DYNC2H1: variants seen among roughly 807,000 people sequenced by gnomAD.
DYNC2H1 encodes the protein dynein cytoplasmic 2 heavy chain 1.
Under a neutral mutation model 570.0 loss-of-function variants are expected in DYNC2H1, and 410 were observed. The observed-to-expected ratio is 0.72, with a 90% CI of 0.66 to 0.78. The LOEUF (loss-of-function observed/expected upper bound fraction) is 0.78. Ranked by LOEUF, DYNC2H1 falls within the 30% of genes least tolerant of loss-of-function variation. The pLI, the probability that DYNC2H1 is intolerant of heterozygous loss-of-function variation, is 0.00. For synonymous variants in DYNC2H1, 1,688 were observed against 1,677.6 expected (o/e 1.01, Z -0.15); for missense variants, 4,865 against 5,046.4 (o/e 0.96, Z 1.09).
At chr11:103,234,291 T>G in intron 61 of DYNC2H1, 131 bp downstream of exon 61, 2 of 1,077,082 alleles carry the variant, frequency 1.9e-6, no homozygotes, top group Non-Finnish European at 2.6e-6. Context: ...AATCTGGATA[T>G]AAATGGCCAT....
chr11:103,339,429 A>T (rs1187012834), intron 82 of DYNC2H1, among the ~76,000 whole-genome samples: 2 of 152,168 alleles, frequency 1.3e-5, no homozygotes, highest in African/African-American at 4.8e-5. Flanking sequence ...AGGGTTGTAG[A>T]TTCCCTTCTG....
At position 103,163,786 on chromosome 11, in the gene DYNC2H1, CTG is replaced by C. The variant is rs1314542422; in HGVS notation, c.4611+642_4611+643del. 6.6e-6 allele frequency among the ~76,000 whole-genome samples: 1 copy of C among 152,016 alleles called. No homozygotes were observed. The highest frequency in any genetic ancestry group is 1.5e-5 in the Non-Finnish European group (1 of 67,994). On this transcript the variant is annotated intron_variant, in intron 30 of 88. Coordinates refer to ENST00000375735, the MANE Select transcript of DYNC2H1 (RefSeq NM_001377.3). The surrounding 1 kb of genome is among the most constrained non-coding windows in gnomAD (Gnocchi z 4.6). ...CATCAGGAACTTTAGTTCTTAGGGA[CTG>C]TGGATGGTAGACATTGGGATGTTTC...
chr11:103,445,501 A>T (rs1307059238), intron 85 of DYNC2H1, among the ~76,000 whole-genome samples: 1 of 152,204 alleles, frequency 6.6e-6, no homozygotes, highest in African/African-American at 2.4e-5. Context: ...AAGTGAGGTT[A>T]TGATGGACTA....
chr11:103,332,774 G>C (rs1222735176), intron 82 of DYNC2H1, among the ~76,000 whole-genome samples: 2 of 152,160 alleles, frequency 1.3e-5, no homozygotes, highest in African/African-American at 4.8e-5. Flanking sequence ...GGGCAAGGCG[G>C]GCAGATCACT....
chr11:103,193,737 A>AG (rs1424319248), intron 47 of DYNC2H1, among the ~76,000 whole-genome samples: 1 of 151,692 alleles, frequency 6.6e-6, no homozygotes, highest in Non-Finnish European at 1.5e-5. Context: ...TAGTAGAGAC[A>AG]GGGCTTCTCC....
rs754635981 is a variant in DYNC2H1 at position 103,455,214 on chromosome 11, C to G, written c.12485C>G (p.Ala4162Gly). 1.9e-6 allele frequency: 3 copies of G among 1,613,246 alleles called. No individual in the cohort carries two copies. The East Asian group carries it at 6.7e-5, about 36-fold the overall frequency. The change falls in exon 86 of 89, where the codon GCT becomes GGT. Residue 4162 changes from alanine (A) to glycine (G), a missense_variant. By Grantham distance (60) the Ala-to-Gly change is moderately conservative. Coordinates refer to ENST00000375735, the MANE Select transcript of DYNC2H1 (RefSeq NM_001377.3). ...QNWVDKAEKQ[A>G]LLSETLDLSE... ...TGGGTAGATAAAGCTGAAAAACAGGCTCTTCTCTCTGAAACACTTGACCTA... is the reference window on the plus strand; with the variant it reads ...TGGGTAGATAAAGCTGAAAAACAGGGTCTTCTCTCTGAAACACTTGACCTA...
chr11:103,314,905 T>C (rs1286842904), intron 79 of DYNC2H1, among the ~76,000 whole-genome samples: 1 of 152,070 alleles, frequency 6.6e-6, no homozygotes, highest in African/African-American at 2.4e-5. Flanking sequence ...AAATAAACTT[T>C]TTCACATACG....
At position 103,199,192 on chromosome 11, in the gene DYNC2H1, T is replaced by C. The variant is rs746761271; in HGVS notation, c.7840-36T>C. On this transcript the variant is annotated intron_variant, in intron 48 of 88. Transcript: ENST00000375735. The surrounding 1 kb of genome is among the most constrained non-coding windows in gnomAD (Gnocchi z 4.6). ...ACATTTTTATTATGTAATTAGGGCT[T>C]ATATTAATTATAAAATATTCTGATT... 3 of 1,376,564 alleles carry C rather than the reference T, an allele frequency of 2.2e-6. No individual in the cohort carries two copies. The Admixed American group carries it at 6.4e-5, about 29-fold the overall frequency. The allele number at this position is 1,376,564 out of a possible 1,614,324, so 85.3% of individuals were successfully genotyped here. A position where few individuals can be genotyped will look rare whatever the true frequency, so the allele number is the denominator to read the frequency against.
chr11:103,342,671 T>A (rs1365198233), intron 82 of DYNC2H1, among the ~76,000 whole-genome samples: 1 of 151,700 alleles, frequency 6.6e-6, no homozygotes, highest in Non-Finnish European at 1.5e-5. Context: ...CCCGGCTAAT[T>A]TTTTTTGTAT....
chr11:103,307,588 A>G, intron 77 of DYNC2H1, 133 bp from the exon 78 acceptor site: 1 of 520,470 alleles, frequency 1.9e-6, no homozygotes, highest in Non-Finnish European at 3.4e-6. Flanking sequence ...TAAAGGAAAT[A>G]TAACCAGAGC....
intron 6 of DYNC2H1, among the ~76,000 whole-genome samples, chr11:103,119,743 A>G (rs1858603611): frequency 6.6e-6 from 1 of 152,168 alleles, no homozygotes; most frequent in African/African-American, 2.4e-5. Context: ...ATTTTTTTCA[A>G]GGAGCCTCAT....
intron 82 of DYNC2H1, among the ~76,000 whole-genome samples, chr11:103,357,786 C>G (rs953704409): frequency 1.3e-5 from 2 of 152,036 alleles, no homozygotes; most frequent in African/African-American, 4.8e-5. Flanking sequence ...GACATGGTCT[C>G]TACCAAAAAT....
At chr11:103,227,146 A>C (rs945040926) in intron 59 of DYNC2H1, among the ~76,000 whole-genome samples, 1 of 150,094 alleles carries the variant, frequency 6.7e-6, no homozygotes, top group Non-Finnish European at 1.5e-5. Flanking sequence ...TTTTTGTTTC[A>C]TTTATCTTTT....
chr11:103,230,598 G>C (rs1863968084), intron 59 of DYNC2H1, among the ~76,000 whole-genome samples: 1 of 152,062 alleles, frequency 6.6e-6, no homozygotes, highest in Admixed American at 6.6e-5. Flanking sequence ...ATAATCTTCT[G>C]TATTTAGCTT....
intron 80 of DYNC2H1, among the ~76,000 whole-genome samples, chr11:103,320,782 T>A (rs1330485641): frequency 6.6e-6 from 1 of 152,174 alleles, no homozygotes; most frequent in African/African-American, 2.4e-5. Context: ...TTTCTCCATA[T>A]GTATAATTGT....
Position 103,116,718 on chromosome 11 carries a change from C to T in DYNC2H1, c.766+4C>T. 6.4e-7 allele frequency: 1 copy of T among 1,574,576 alleles called. No homozygotes were observed. Among genetic ancestry groups the T allele is most frequent in the Non-Finnish European group, 8.6e-7 (1 of 1,163,206 alleles). On this transcript the variant is annotated splice_donor_region_variant and intron_variant, in intron 5 of 88. Transcript: ENST00000375735. ...TTGCATCTCTTAGACATCATAGGTA[C>T]TAGTAAAAAAATGAACTTTTGGAAT... is the stretch of plus-strand genomic sequence containing the variant.
Position 103,316,618 on chromosome 11 carries a change from A to C in DYNC2H1, c.11723A>C (p.Asp3908Ala), listed in dbSNP as rs766345861. The C allele has an allele frequency of 2.4e-5, 37 of 1,528,764 alleles. No homozygotes were observed. In the South Asian group the frequency reaches 4.8e-4, roughly 20 times the overall value. 94.7% of individuals were successfully genotyped at this position (1,528,764 alleles called of 1,614,324 possible). Residue 3908 changes from aspartate (D) to alanine (A), a missense_variant and splice_region_variant, in exon 80 of 89, where the codon GAT (aspartate) becomes GCT (alanine). Asp to Ala is a moderately radical substitution (Grantham distance 126, BLOSUM62 -2). Coordinates refer to ENST00000375735, the MANE Select transcript of DYNC2H1 (RefSeq NM_001377.3). ...TACAACATTATTGACAGACTTTTTGATGGTAAGTTCTAACAAAAATTTTAA... is the reference window on the plus strand; with the variant it reads ...TACAACATTATTGACAGACTTTTTGCTGGTAAGTTCTAACAAAAATTTTAA... Reference protein sequence around the residue: ...AGYNIIDRLFDGAKDVQWEFV... With the variant: ...AGYNIIDRLFAGAKDVQWEFV...
intron 83 of DYNC2H1, among the ~76,000 whole-genome samples, chr11:103,379,220 C>T (rs1410497457): frequency 6.6e-6 from 1 of 152,192 alleles, no homozygotes; most frequent in Non-Finnish European, 1.5e-5. Flanking sequence ...ATGTTCTCTC[C>T]TCCTGCTTAA....
chr11:103,476,236 T>G (rs574908591), intron 88 of DYNC2H1, among the ~76,000 whole-genome samples: 1 of 152,170 alleles, frequency 6.6e-6, no homozygotes, highest in African/African-American at 2.4e-5. Flanking sequence ...ATTCTCTTTA[T>G]CCCAAATCCC....
Sources: allele counts gnomAD v4.1 joint callset (sites outside exome capture counted in the v4.1 genomes callset), GRCh38; gene constraint gnomAD v4.1.1; non-coding constraint Gnocchi (gnomAD v3.1); transcripts MANE v1.5; gene names NCBI Gene and HGNC (gene_info 2026-07-23, HGNC 2026-07-21).